DCDC1: variants seen among roughly 807,000 people sequenced by gnomAD.
The protein encoded by DCDC1 is doublecortin domain containing 1.
A neutral mutation model predicts 178.3 loss-of-function variants in DCDC1; 200 were observed. The observed-to-expected ratio is 1.12, with a 90% CI of 1.00 to 1.26. The LOEUF (loss-of-function observed/expected upper bound fraction) is 1.26. DCDC1 is among the 50% of genes most tolerant of loss of function. The pLI, the probability that DCDC1 is intolerant of heterozygous loss-of-function variation, is 0.00. For synonymous variants in DCDC1, 690 were observed against 604.8 expected, an observed-to-expected ratio of 1.14 and a Z score of -2.07; for missense variants, 1,983 against 1,749.2, an observed-to-expected ratio of 1.13 and a Z score of -2.38.
At position 31,307,599 on chromosome 11, in the gene DCDC1, C is replaced by T. The variant is rs1180788311; in HGVS notation, c.434+40G>A. ...AAACTCTGCTCAAAGGAAAGAACTT[C>T]AACAATAGGTTAAAAAGAACAGAGA... is the stretch of plus-strand genomic sequence containing the variant. On this transcript the variant is annotated intron_variant, in intron 4 of 38. Transcript: ENST00000684477. 5 of 1,603,614 alleles carry T rather than the reference C, an allele frequency of 3.1e-6. No individual in the cohort carries two copies. In the South Asian group the frequency reaches 5.6e-5, roughly 18 times the overall value.
chr11:31,199,263 A>G (rs1283658438), intron 9 of DCDC1, among the ~76,000 whole-genome samples: 10 of 152,108 alleles, frequency 6.6e-5, no homozygotes, highest in African/African-American at 2.4e-4. Flanking sequence ...TCCAGAAAGC[A>G]TGTCACTTTG....
At chr11:30,987,810 T>A (rs1329642325) in intron 20 of DCDC1, among the ~76,000 whole-genome samples, 2 of 152,190 alleles carry the variant, frequency 1.3e-5, no homozygotes, top group African/African-American at 4.8e-5. Flanking sequence ...TTTGCATTTT[T>A]TTTTCTCATC....
intron 34 of DCDC1, among the ~76,000 whole-genome samples, chr11:30,897,560 G>A (rs1009477676): frequency 7.8e-6 from 1 of 128,708 alleles, no homozygotes; most frequent in African/African-American, 2.9e-5. Context: ...TCCAGCCTGG[G>A]CGACAGAACA....
chr11:31,048,164 G>A (rs1037387501), intron 20 of DCDC1, among the ~76,000 whole-genome samples: 1 of 152,176 alleles, frequency 6.6e-6, no homozygotes, highest in African/African-American at 2.4e-5. Flanking sequence ...ACACTAATCT[G>A]ACTGTAGTTC....
chr11:30,940,102 A>G (rs1165878744), intron 21 of DCDC1, among the ~76,000 whole-genome samples: 4 of 152,118 alleles, frequency 2.6e-5, no homozygotes, highest in Non-Finnish European at 5.9e-5. Flanking sequence ...GTCTATATTC[A>G]TATCTTTTAT....
intron 1 of DCDC1, among the ~76,000 whole-genome samples, chr11:31,345,265 G>C (rs893827716): frequency 6.6e-6 from 1 of 152,078 alleles, no homozygotes; most frequent in Non-Finnish European, 1.5e-5. Context: ...ATGAAAAAAT[G>C]GAATAAACGT....
chr11:30,962,127 T>G (rs1422828293), intron 20 of DCDC1, among the ~76,000 whole-genome samples: 1 of 152,116 alleles, frequency 6.6e-6, no homozygotes, highest in Non-Finnish European at 1.5e-5. Context: ...AGATTTAAAT[T>G]TTAAGTAACT....
At chr11:31,205,258 T>C (rs1230636012) in intron 9 of DCDC1, among the ~76,000 whole-genome samples, 1 of 152,226 alleles carries the variant, frequency 6.6e-6, no homozygotes, top group African/African-American at 2.4e-5. Flanking sequence ...GGTCCTTGTA[T>C]GGTACAACAG....
chr11:30,952,698 G>T, intron 20 of DCDC1, 130 bp from the exon 21 acceptor site: 1 of 410,038 alleles, frequency 2.4e-6, no homozygotes, highest in African/African-American at 2.0e-5. Flanking sequence ...ACCCAAATCT[G>T]AAAATTTGCT....
chr11:30,972,547 A>T (rs553404396), intron 20 of DCDC1, among the ~76,000 whole-genome samples: 1 of 152,176 alleles, frequency 6.6e-6, no homozygotes, highest in Non-Finnish European at 1.5e-5. Flanking sequence ...GGTAGAGCAA[A>T]CACATAAATA....
At chr11:31,127,337 T>C (rs749043643) in intron 11 of DCDC1, 132 bp downstream of exon 11, 2 of 519,678 alleles carry the variant, frequency 3.8e-6, no homozygotes, top group African/African-American at 3.9e-5. Flanking sequence ...TCACCACTTG[T>C]AATATTACCA....
chr11:31,248,111 T>C (rs1354268693), intron 8 of DCDC1, among the ~76,000 whole-genome samples: 1 of 152,060 alleles, frequency 6.6e-6, no homozygotes, highest in African/African-American at 2.4e-5. Context: ...TTAGGGAGGA[T>C]AATGCACAGA....
intron 20 of DCDC1, among the ~76,000 whole-genome samples, chr11:31,018,481 G>A (rs1952642706): frequency 6.6e-6 from 1 of 152,116 alleles, no homozygotes; most frequent in African/African-American, 2.4e-5. Context: ...CTCCTCACAG[G>A]TTCGTCCTTT....
chr11:30,976,374 C>T (rs1038630554), intron 20 of DCDC1, among the ~76,000 whole-genome samples: 1 of 151,968 alleles, frequency 6.6e-6, no homozygotes, highest in African/African-American at 2.4e-5. Context: ...GCAAAGTAAA[C>T]AATCAACAAA....
chr11:31,098,162 T>C (rs1039368029), intron 15 of DCDC1, among the ~76,000 whole-genome samples: 2 of 152,194 alleles, frequency 1.3e-5, no homozygotes, highest in Admixed American at 1.3e-4. Context: ...TTTTCTGCTA[T>C]ATTTTCCCAT....
intron 20 of DCDC1, among the ~76,000 whole-genome samples, chr11:31,062,020 C>G: frequency 6.6e-6 from 1 of 152,050 alleles, no homozygotes; most frequent in East Asian, 1.9e-4. Flanking sequence ...ACCCAGTGCC[C>G]TATACCCTTA....
At chr11:31,365,140 G>A (rs1281077005) in intron 1 of DCDC1, among the ~76,000 whole-genome samples, 1 of 152,102 alleles carries the variant, frequency 6.6e-6, no homozygotes, top group Non-Finnish European at 1.5e-5. Flanking sequence ...AGTCAACTTT[G>A]TTTTGTGTCT....
intron 9 of DCDC1, among the ~76,000 whole-genome samples, chr11:31,177,600 A>T (rs1222096929): frequency 6.6e-6 from 1 of 152,186 alleles, no homozygotes; most frequent in Non-Finnish European, 1.5e-5. Flanking sequence ...GTAAAGAAAC[A>T]AGATTCAACT....
intron 27 of DCDC1, among the ~76,000 whole-genome samples, chr11:30,913,415 C>A (rs1206964798): frequency 6.6e-6 from 1 of 151,386 alleles, no homozygotes; most frequent in African/African-American, 2.4e-5. Flanking sequence ...AAAAAAAAAA[C>A]AAACAAAAAA....
Sources: gnomAD v4.1 joint callset for allele counts (sites outside exome capture counted in the v4.1 genomes callset) on GRCh38, gnomAD v4.1.1 for gene constraint, MANE v1.5 for transcripts, NCBI Gene and HGNC (gene_info 2026-07-23, HGNC 2026-07-21) for gene names.